Variants in TMEM178B observed in about 807,000 individuals in gnomAD.
TMEM178B encodes transmembrane protein 178B.
Under a neutral mutation model 31.0 loss-of-function variants are expected in TMEM178B, and 5 were observed. The observed-to-expected ratio is 0.16, with a 90% CI of 0.08 to 0.34. TMEM178B has a LOEUF of 0.34. Among genes scored for constraint, TMEM178B ranks in the 10% least tolerant of loss-of-function variants. TMEM178B has a pLI of 1.00. For missense variants in TMEM178B, 275 were observed against 400.3 expected, an observed-to-expected ratio of 0.69 and a Z score of 2.67; for synonymous variants, 164 against 164.0, an observed-to-expected ratio of 1.00 and a Z score of 0.00.
intron 2 of TMEM178B, among the ~76,000 whole-genome samples, chr7:141,326,875 T>C (rs142540967): frequency 6.6e-6 from 1 of 152,336 alleles, no homozygotes; most frequent in Non-Finnish European, 1.5e-5. Flanking sequence ...TGGTAGCCAC[T>C]AACTACATGT....
chr7:141,487,862 T>C, the TMEM178B span, among the ~76,000 whole-genome samples: 1 of 151,964 alleles, frequency 6.6e-6, no homozygotes, highest in Non-Finnish European at 1.5e-5. Flanking sequence ...ATATAAACGT[T>C]CAATTAAGAC....
At chr7:141,485,318 C>T (rs536150405), downstream of TMEM178B, among the ~76,000 whole-genome samples, 2 of 152,290 alleles carry the variant, frequency 1.3e-5, no homozygotes, top group Admixed American at 6.5e-5. Context: ...CACGGTTACA[C>T]GTAAGGACTC....
intron 2 of TMEM178B, among the ~76,000 whole-genome samples, chr7:141,237,004 A>G (rs1425554568): frequency 6.6e-6 from 1 of 152,276 alleles, no homozygotes; most frequent in Admixed American, 6.5e-5. Flanking sequence ...GGTTGCAAAG[A>G]GAAATGGACA....
intron 1 of TMEM178B, among the ~76,000 whole-genome samples, chr7:141,081,871 T>C (rs1348602590): frequency 6.6e-6 from 1 of 152,178 alleles, no homozygotes; most frequent in Non-Finnish European, 1.5e-5. Context: ...ACTCACTGAC[T>C]CACCCAAAGC....
intron 3 of TMEM178B, among the ~76,000 whole-genome samples, chr7:141,449,238 C>T (rs1406455922): frequency 6.6e-6 from 1 of 152,078 alleles, no homozygotes; most frequent in East Asian, 1.9e-4. Context: ...ATGCTGGTTT[C>T]TGAAGTAAAT....
chr7:141,144,451 G>A (rs1795820491), intron 1 of TMEM178B, among the ~76,000 whole-genome samples: 2 of 152,178 alleles, frequency 1.3e-5, no homozygotes, highest in Non-Finnish European at 2.9e-5. Flanking sequence ...CTCAATAAAT[G>A]TGCTAATTAT....
chr7:141,479,686 T>C lies in TMEM178B; in HGVS notation c.*8900T>C, dbSNP rs1422322643. 6.6e-6 allele frequency: 1 copy of C among 152,228 alleles called. No individual in the cohort carries two copies. Among genetic ancestry groups the C allele is most frequent in the Non-Finnish European group, 1.5e-5 (1 of 68,044 alleles). The allele number at this position is 152,228 out of a possible 1,614,324, so 9.4% of individuals were successfully genotyped here. On this transcript the variant is annotated 3_prime_UTR_variant, in exon 4 of 4. Coordinates refer to ENST00000565468, the MANE Select transcript of TMEM178B (RefSeq NM_001195278.2). ...AATGAGCTGATTTGGTGAGTATGTT[T>C]TATATATGGTCATTAGACAGGGACC... is the stretch of plus-strand genomic sequence containing the variant.
At chr7:141,137,265 T>C (rs1795689730) in intron 1 of TMEM178B, among the ~76,000 whole-genome samples, 1 of 152,324 alleles carries the variant, frequency 6.6e-6, no homozygotes, top group African/African-American at 2.4e-5. Flanking sequence ...TGCACCCCTA[T>C]GTGTATTGCA....
intron 2 of TMEM178B, among the ~76,000 whole-genome samples, chr7:141,372,997 A>C (rs1055310867): frequency 6.6e-6 from 1 of 152,226 alleles, no homozygotes; most frequent in African/African-American, 2.4e-5. Context: ...TTTAGTGTCA[A>C]GACAGCCTGG....
intron 1 of TMEM178B, among the ~76,000 whole-genome samples, chr7:141,158,000 C>T (rs753794733): frequency 2.6e-5 from 4 of 152,186 alleles, no homozygotes; most frequent in Non-Finnish European, 5.9e-5. Flanking sequence ...CCTTGTAGGC[C>T]AGCACGAGTC....
intron 2 of TMEM178B, among the ~76,000 whole-genome samples, chr7:141,358,108 C>T (rs1480949709): frequency 6.6e-6 from 1 of 152,096 alleles, no homozygotes; most frequent in Non-Finnish European, 1.5e-5. Flanking sequence ...AAAGGTAGGC[C>T]TTTCTGCCTT....
At chr7:141,115,457 G>T (rs77001073) in intron 1 of TMEM178B, among the ~76,000 whole-genome samples, 43 of 152,266 alleles carry the variant, frequency 2.8e-4, no homozygotes, top group East Asian at 1.5e-3. Context: ...GGGAAAGAGT[G>T]AAAGGTGTAT....
chr7:141,217,112 C>T (rs1048175003), intron 2 of TMEM178B, among the ~76,000 whole-genome samples: 2 of 152,210 alleles, frequency 1.3e-5, no homozygotes, highest in African/African-American at 2.4e-5. Context: ...GGAGCTGCTT[C>T]ACTCTCTCAC....
chr7:141,188,066 A>G (rs1188132564), intron 1 of TMEM178B, among the ~76,000 whole-genome samples: 1 of 152,112 alleles, frequency 6.6e-6, no homozygotes, highest in Non-Finnish European at 1.5e-5. Flanking sequence ...TAGGGTTTTT[A>G]TGGTTTTAGG....
intron 1 of TMEM178B, among the ~76,000 whole-genome samples, chr7:141,139,283 G>A (rs533856712): frequency 4.6e-5 from 7 of 152,092 alleles, no homozygotes; most frequent in Non-Finnish European, 8.8e-5. Flanking sequence ...CCTGCCTAAT[G>A]GTTTCCATCT....
intron 2 of TMEM178B, among the ~76,000 whole-genome samples, chr7:141,388,831 A>G (rs1276136229): frequency 1.3e-5 from 2 of 152,210 alleles, no homozygotes; most frequent in African/African-American, 2.4e-5. Flanking sequence ...ATCTACATAC[A>G]TAAACAAACA....
At chr7:141,103,520 T>G (rs751405596) in intron 1 of TMEM178B, among the ~76,000 whole-genome samples, 26 of 152,210 alleles carry the variant, frequency 1.7e-4, no homozygotes, top group Non-Finnish European at 2.9e-4. Context: ...TACCTGATAA[T>G]GAGTTTTTTG....
chr7:141,462,935 T>C (rs1802083735), intron 3 of TMEM178B, among the ~76,000 whole-genome samples: 2 of 152,102 alleles, frequency 1.3e-5, no homozygotes, highest in South Asian at 4.2e-4. Context: ...GAGGGGACAG[T>C]CATCAAAGGA....
At chr7:141,245,774 C>T (rs1797720934) in intron 2 of TMEM178B, among the ~76,000 whole-genome samples, 1 of 152,190 alleles carries the variant, frequency 6.6e-6, no homozygotes, top group Non-Finnish European at 1.5e-5. Context: ...TGCTGTGAGT[C>T]GATCTTCATC....
Sources: allele counts gnomAD v4.1 joint callset (sites outside exome capture counted in the v4.1 genomes callset), GRCh38; gene constraint gnomAD v4.1.1; transcripts MANE v1.5; gene names NCBI Gene and HGNC (gene_info 2026-07-23, HGNC 2026-07-21).